The following ARAP2 variants were observed in gnomAD, a reference collection of about 807,000 sequenced individuals.
ARAP2 encodes the protein ArfGAP with RhoGAP domain, ankyrin repeat and PH domain 2.
A neutral mutation model predicts 194.5 loss-of-function variants in ARAP2; 148 were observed. The observed-to-expected ratio is 0.76, with a 90% CI of 0.67 to 0.87. The LOEUF (loss-of-function observed/expected upper bound fraction) is 0.87. ARAP2 is among the 40% of genes least tolerant of loss of function. The pLI is 0.00. For missense variants in ARAP2, 2,128 were observed against 1,989.7 expected (o/e 1.07, Z -1.32); for synonymous variants, 695 against 683.5 (o/e 1.02, Z -0.26).
At chr4:36,192,568 G>C (rs990264107) in intron 7 of ARAP2, among the ~76,000 whole-genome samples, 11 of 152,152 alleles carry the variant, frequency 7.2e-5, no homozygotes, top group African/African-American at 2.7e-4. Context: ...AACCAGAAAA[G>C]GTTACAGGTG....
At position 36,161,508 on chromosome 4, in the gene ARAP2, C is replaced by T. The variant is rs2109782190; in HGVS notation, c.2216G>A (p.Ser739Asn). 6 of 1,614,086 alleles carry T rather than the reference C, an allele frequency of 3.7e-6. No individual in the cohort carries two copies. In the East Asian group the frequency reaches 1.3e-4, roughly 36 times the overall value. ...CCAAATGCTAGCATCCATTTTTAGA[C>T]TTCTAACCTTGGAATCTTTTGGTCC... is the stretch of plus-strand genomic sequence containing the variant. ...SLGPKDSKVR[S>N]LKMDASIWSN... is the part of the protein sequence containing the mutation. Residue 739 changes from serine (S) to asparagine (N), a missense_variant, in exon 12 of 33, where the codon AGT becomes AAT. Transcript: ENST00000303965.
At chr4:36,055,390 A>G (rs1723319257) in intron 2 of ARAP2, among the ~76,000 whole-genome samples, 1 of 152,226 alleles carries the variant, frequency 6.6e-6, no homozygotes, top group African/African-American at 2.4e-5. Flanking sequence ...AATCATCCTC[A>G]TAAGAACCAT....
rs746862454 is a variant in ARAP2, at chr4:36,147,607, C to T, written c.3140G>A (p.Cys1047Tyr). 1 of 1,613,522 alleles carries T rather than the reference C, an allele frequency of 6.2e-7. No individual in the cohort carries two copies. Among genetic ancestry groups the T allele is most frequent in the Non-Finnish European group, 8.5e-7 (1 of 1,179,662 alleles). The change falls in exon 18 of 33, where the codon TGC becomes TAC. Residue 1047 changes from cysteine (C) to tyrosine (Y), a missense_variant. Transcript: ENST00000303965. ...FAMDKSSLHF[C>Y]LQMQEVQGDR... is the part of the protein sequence containing the mutation. The stretch of plus-strand genomic sequence containing the variant: ...TCCCTGAACTTCTTGCATTTGAAGG[C>T]AAAAATGCAAGCTGGATTTGTCCAT...
Position 36,136,814 on chromosome 4 carries a change from TGTGTGC to T in ARAP2, c.3264-3431_3264-3426del, listed in dbSNP as rs747637072. ...GTGTGTGTGTGTGTGTGTGTGTGTGTGTGTGCGTGTCTGTGTATCTCAGTCCTATCA... is the reference window on the plus strand; with the variant it reads ...GTGTGTGTGTGTGTGTGTGTGTGTGTGTGTCTGTGTATCTCAGTCCTATCA... On this transcript the variant is annotated intron_variant, in intron 19 of 32. Coordinates refer to ENST00000303965, the MANE Select transcript of ARAP2 (RefSeq NM_015230.4). 1.0e-3 allele frequency among the ~76,000 whole-genome samples: 136 copies of T among 132,262 alleles called. 1 individual carries two copies. In the South Asian group the frequency reaches 0.015, roughly 14 times the overall value. The allele number at this position is 132,262 out of a possible 152,430, so 86.8% of individuals were successfully genotyped here. A position where few individuals can be genotyped will look rare whatever the true frequency, so the allele number is the denominator to read the frequency against.
intron 27 of ARAP2, among the ~76,000 whole-genome samples, chr4:36,092,924 G>C (rs190144797): frequency 6.6e-6 from 1 of 152,210 alleles, no homozygotes; most frequent in East Asian, 1.9e-4. Flanking sequence ...AAACAGGCAA[G>C]GGTAAGAAAG....
chr4:36,016,764 G>A (rs78439985), intron 6 of ARAP2, among the ~76,000 whole-genome samples: 2 of 152,098 alleles, frequency 1.3e-5, no homozygotes, highest in African/African-American at 2.4e-5. Context: ...GAAAACGTGA[G>A]ATAAATCACA....
At chr4:36,069,521 CAG>C (rs1446852114) in intron 32 of ARAP2, among the ~76,000 whole-genome samples, 4 of 151,262 alleles carry the variant, frequency 2.6e-5, no homozygotes, top group Non-Finnish European at 2.9e-5. Context: ...AAAAACAAGA[CAG>C]GGTTTATAAA....
intron 16 of ARAP2, among the ~76,000 whole-genome samples, 193 bp from the exon 17 acceptor site, chr4:36,148,700 G>T (rs1030404847): frequency 3.3e-5 from 5 of 152,096 alleles, no homozygotes; most frequent in African/African-American, 1.2e-4. Context: ...TTGGACAAAA[G>T]GAATATTTTG....
In ARAP2 at chr4:36,086,993, C is replaced by G. The variant is rs567909821; in HGVS notation, c.4426-3543G>C. 2.0e-5 allele frequency among the ~76,000 whole-genome samples: 3 copies of G among 152,168 alleles called. No individual in the cohort carries two copies. In the South Asian group the frequency reaches 6.2e-4, roughly 32 times the overall value. ...ATTCATAAATTATCTCTAATTAACA[C>G]AAAGTCGCTTTAAATACACTTCTCA... is the stretch of plus-strand genomic sequence containing the variant. On this transcript the variant is annotated intron_variant, in intron 28 of 32. Coordinates refer to ENST00000303965, the MANE Select transcript of ARAP2 (RefSeq NM_015230.4).
chr4:36,179,523 T>G (rs534921279), intron 8 of ARAP2, among the ~76,000 whole-genome samples: 1 of 151,892 alleles, frequency 6.6e-6, no homozygotes. Flanking sequence ...TAACATAGAG[T>G]GTAAAAGGAG....
intron 7 of ARAP2, among the ~76,000 whole-genome samples, chr4:36,193,063 G>A (rs1337709299): frequency 6.6e-6 from 1 of 152,158 alleles, no homozygotes; most frequent in Admixed American, 6.5e-5. Context: ...ACCTCCAAGA[G>A]ATGTGTTTAT....
intron 9 of ARAP2, among the ~76,000 whole-genome samples, chr4:36,008,521 C>T (rs1479303405): frequency 2.0e-5 from 3 of 151,868 alleles, no homozygotes; most frequent in East Asian, 3.8e-4. Flanking sequence ...TTCCTACATA[C>T]CACCATACAC....
intron 6 of ARAP2, among the ~76,000 whole-genome samples, chr4:36,016,958 C>T (rs893754337): frequency 6.6e-6 from 1 of 152,056 alleles, no homozygotes; most frequent in African/African-American, 2.4e-5. Context: ...GTAAGTCTGA[C>T]AAGGCCACAT....
intron 31 of ARAP2, among the ~76,000 whole-genome samples, chr4:36,077,273 G>A (rs962244841): frequency 1.3e-5 from 2 of 151,950 alleles, no homozygotes; most frequent in South Asian, 2.1e-4. Context: ...CTATGTAAAC[G>A]CCATATCTGA....
At position 36,210,427 on chromosome 4, in the gene ARAP2, C is replaced by A. The variant is rs78421449; in HGVS notation, c.1450G>T (p.Val484Phe). Reference protein sequence around the residue: ...ACFYGASAKKVKSGWLDKLSP... With the variant: ...ACFYGASAKKFKSGWLDKLSP... ...AGTTTATCCAGCCATCCTGATTTAACCTTCTTTGCAGATGCTCCATAAAAG... is the reference window on the plus strand; with the variant it reads ...AGTTTATCCAGCCATCCTGATTTAAACTTCTTTGCAGATGCTCCATAAAAG... Residue 484 changes from valine (V) to phenylalanine (F), a missense_variant, in exon 6 of 33, where the codon GTT (valine) becomes TTT (phenylalanine). Transcript: ENST00000303965. 2.0e-3 allele frequency: 3,197 copies of A among 1,613,270 alleles called. 108 individuals are homozygous for A. In the East Asian group the frequency reaches 0.065, roughly 33 times the overall value.
chr4:36,026,895 A>C (rs1336619699), intron 5 of ARAP2, among the ~76,000 whole-genome samples: 1 of 152,254 alleles, frequency 6.6e-6, no homozygotes, highest in African/African-American at 2.4e-5. Flanking sequence ...AGCAACTAGA[A>C]GTCAACTTTT....
chr4:36,199,147 C>A (rs1230722156), intron 6 of ARAP2, among the ~76,000 whole-genome samples: 1 of 152,232 alleles, frequency 6.6e-6, no homozygotes, highest in Non-Finnish European at 1.5e-5. Flanking sequence ...CTCTCTGCTG[C>A]AGCCAGTGTC....
chr4:36,031,666 C>CTTTTT (rs67436021), intron 5 of ARAP2, among the ~76,000 whole-genome samples: 6 of 146,230 alleles, frequency 4.1e-5, no homozygotes, highest in Non-Finnish European at 4.5e-5. Context: ...GATTTAAAAT[C>CTTTTT]TTTTTTTTTT....
intron 6 of ARAP2, among the ~76,000 whole-genome samples, chr4:36,197,761 T>C (rs1743443171): frequency 6.6e-6 from 1 of 152,212 alleles, no homozygotes; most frequent in Non-Finnish European, 1.5e-5. Flanking sequence ...ACAAGGTGTC[T>C]GCATGGGTGC....
Sources: gnomAD v4.1 joint callset for allele counts (sites outside exome capture counted in the v4.1 genomes callset) on GRCh38, gnomAD v4.1.1 for gene constraint, MANE v1.5 for transcripts, NCBI Gene and HGNC (gene_info 2026-07-23, HGNC 2026-07-21) for gene names.